DNAH14: variants seen among roughly 807,000 people sequenced by gnomAD.
The protein encoded by DNAH14 is axonemal beta dynein heavy chain 14.
In DNAH14, 478 loss-of-function variants were observed where a neutral mutation model predicts 520.9. The ratio of observed to expected loss-of-function variants is 0.92; its 90% CI spans 0.85 to 0.99. The LOEUF is 0.99. DNAH14 is among the 50% of genes least tolerant of loss of function. DNAH14 has a pLI of 0.00. For missense variants in DNAH14, 4,831 were observed against 5,234.5 expected (o/e 0.92, Z 2.38); for synonymous variants, 1,581 against 1,757.2 (o/e 0.90, Z 2.51).
At chr1:224,966,719 T>C (rs899643715) in intron 5 of DNAH14, among the ~76,000 whole-genome samples, 1 of 152,184 alleles carries the variant, frequency 6.6e-6, no homozygotes, top group Non-Finnish European at 1.5e-5. Flanking sequence ...AGGGTCTTTC[T>C]CTGTCACCCA....
Position 225,273,068 on chromosome 1 carries a change from C to A in DNAH14, c.7953C>A (p.Phe2651Leu). The change falls in exon 52 of 86, where the codon TTC becomes TTA. Residue 2651 changes from phenylalanine (F) to leucine (L), a missense_variant. By Grantham distance (22) the Phe-to-Leu change is conservative. Transcript: ENST00000682510. The stretch of plus-strand genomic sequence containing the variant: ...TATTTCACGATCGCTTAATTGATTT[C>A]ACTGATAAAAGCCTTTTCTATCGGT... ...TRVFHDRLID[F>L]TDKSLFYRLL... 3 of 1,551,642 alleles carry A rather than the reference C, an allele frequency of 1.9e-6. No individual in the cohort carries two copies. The highest frequency in any genetic ancestry group is 8.7e-7 in the Non-Finnish European group (1 of 1,146,976).
chr1:225,202,540 T>C (rs756886166), intron 38 of DNAH14, among the ~76,000 whole-genome samples: 2 of 152,152 alleles, frequency 1.3e-5, no homozygotes, highest in Non-Finnish European at 2.9e-5. Context: ...ACTCCCACTG[T>C]GTCCCCGCAA....
chr1:225,297,308 C>T (rs2094031214), intron 55 of DNAH14, among the ~76,000 whole-genome samples: 1 of 151,844 alleles, frequency 6.6e-6, no homozygotes. Context: ...TATCTTGTAT[C>T]TTACTGCATT....
chr1:225,126,482 A>G (rs2077727160), intron 27 of DNAH14, among the ~76,000 whole-genome samples: 1 of 152,126 alleles, frequency 6.6e-6, no homozygotes, highest in Non-Finnish European at 1.5e-5. Context: ...TAGATTTTCT[A>G]GTTTATTTGC....
At chr1:225,133,969 T>C (rs963015207) in intron 27 of DNAH14, among the ~76,000 whole-genome samples, 2 of 152,162 alleles carry the variant, frequency 1.3e-5, no homozygotes, top group African/African-American at 4.8e-5. Context: ...TTCCTAGGTA[T>C]TTTATTCTTT....
chr1:225,275,640 C>T (rs1467804234), intron 52 of DNAH14, among the ~76,000 whole-genome samples: 1 of 152,142 alleles, frequency 6.6e-6, no homozygotes, highest in Non-Finnish European at 1.5e-5. Context: ...TCAAAGCGTT[C>T]TTAAATAAAA....
chr1:225,307,736 T>G (rs1489684283), intron 59 of DNAH14, among the ~76,000 whole-genome samples, 167 bp downstream of exon 59: 3 of 152,178 alleles, frequency 2.0e-5, no homozygotes, highest in African/African-American at 7.2e-5. Flanking sequence ...TCTTAGTTTA[T>G]CTGTAAAATG....
intron 66 of DNAH14, among the ~76,000 whole-genome samples, chr1:225,336,899 T>C (rs1306159981): frequency 6.6e-6 from 1 of 152,222 alleles, no homozygotes; most frequent in Non-Finnish European, 1.5e-5. Context: ...CTATAGCTGT[T>C]ATTATATTTG....
At chr1:225,349,791 A>G (rs1451508063) in intron 71 of DNAH14, among the ~76,000 whole-genome samples, 1 of 152,192 alleles carries the variant, frequency 6.6e-6, no homozygotes, top group Non-Finnish European at 1.5e-5. Context: ...GAGCTCCCAA[A>G]TACGTGAAGC....
intron 37 of DNAH14, among the ~76,000 whole-genome samples, chr1:225,189,630 G>C (rs1416725101): frequency 6.6e-6 from 1 of 151,364 alleles, no homozygotes; most frequent in East Asian, 1.9e-4. Context: ...ATTTCATCTT[G>C]CTTGAAAAAA....
intron 41 of DNAH14, among the ~76,000 whole-genome samples, chr1:225,228,761 C>G (rs1418793252): frequency 6.6e-6 from 1 of 152,104 alleles, no homozygotes; most frequent in Admixed American, 6.5e-5. Context: ...ACTCTTCAAT[C>G]AACAAAACCT....
At chr1:225,358,695 C>T in intron 74 of DNAH14, 43 bp downstream of exon 74, 1 of 1,522,428 alleles carries the variant, frequency 6.6e-7, no homozygotes, top group Non-Finnish European at 8.8e-7. Flanking sequence ...TATGGTTTGG[C>T]TCTGTGTCCC....
intron 77 of DNAH14, among the ~76,000 whole-genome samples, chr1:225,373,916 A>G (rs2095652051): frequency 6.6e-6 from 1 of 151,516 alleles, no homozygotes; most frequent in Non-Finnish European, 1.5e-5. Flanking sequence ...GCTTGAGCGC[A>G]GGAGTTCCAG....
intron 11 of DNAH14, among the ~76,000 whole-genome samples, chr1:225,035,924 G>A (rs1296056425): frequency 2.6e-5 from 4 of 152,150 alleles, no homozygotes; most frequent in African/African-American, 4.8e-5. Context: ...GGGTGAAAGT[G>A]TGGTGTTGAA....
intron 10 of DNAH14, 76 bp downstream of exon 10, chr1:225,007,620 G>A: frequency 1.6e-6 from 2 of 1,222,522 alleles, no homozygotes; most frequent in East Asian, 3.3e-5. Context: ...TTGCATCCCT[G>A]GAAAAAGTAT....
chr1:225,125,118 C>T (rs1197949451), intron 27 of DNAH14, among the ~76,000 whole-genome samples: 1 of 152,140 alleles, frequency 6.6e-6, no homozygotes. Flanking sequence ...GTGCTGTCAT[C>T]CAGGCCTTGT....
chr1:225,362,574 C>CAAAAAAAAAAAAA (rs56104945), intron 75 of DNAH14, among the ~76,000 whole-genome samples: 1 of 120,968 alleles, frequency 8.3e-6, no homozygotes. Flanking sequence ...GACTCAGTCT[C>CAAAAAAAAAAAAA]AAAAAAAAAA....
At chr1:225,142,669 C>G (rs967222213) in intron 28 of DNAH14, among the ~76,000 whole-genome samples, 15 of 152,192 alleles carry the variant, frequency 9.9e-5, no homozygotes. Flanking sequence ...TGGCTCACAC[C>G]TGTAATCCCA....
rs1481101136 is a variant in DNAH14, at chr1:224,929,809, A to T, written c.-60A>T. The T allele has an allele frequency of 1.4e-6, 1 of 696,660 alleles. No homozygotes were observed. The highest frequency in any genetic ancestry group is 2.6e-6 in the Non-Finnish European group (1 of 380,626). 43.2% of individuals were successfully genotyped at this position (696,660 alleles called of 1,614,324 possible). ...CTTCGCCGCTTCCAGGAAGGGCCACAACGGCCGTCGGACCACGGCGCGGCG... is the reference window on the plus strand; with the variant it reads ...CTTCGCCGCTTCCAGGAAGGGCCACTACGGCCGTCGGACCACGGCGCGGCG... On this transcript the variant is annotated 5_prime_UTR_variant, in exon 1 of 86. Transcript: ENST00000682510.
Sources: gnomAD v4.1 joint callset for allele counts (sites outside exome capture counted in the v4.1 genomes callset) on GRCh38, gnomAD v4.1.1 for gene constraint, MANE v1.5 for transcripts, NCBI Gene and HGNC (gene_info 2026-07-23, HGNC 2026-07-21) for gene names.